The following RIC8B variants were observed in gnomAD, a reference collection of about 807,000 sequenced individuals.
RIC8B encodes the protein RIC8 guanine nucleotide exchange factor B.
In RIC8B, 16 loss-of-function variants were observed where a neutral mutation model predicts 57.5. The ratio of observed to expected loss-of-function variants is 0.28; its 90% CI spans 0.19 to 0.42. The LOEUF is 0.42. RIC8B is among the 10% of genes least tolerant of loss of function. The pLI is 1.00. For missense variants in RIC8B, 481 were observed against 677.0 expected, an observed-to-expected ratio of 0.71 and a Z score of 3.21; for synonymous variants, 216 against 250.8, an observed-to-expected ratio of 0.86 and a Z score of 1.31.
chr12:106,800,568 A>G (rs1216448729), intron 2 of RIC8B, among the ~76,000 whole-genome samples: 2 of 152,148 alleles, frequency 1.3e-5, no homozygotes, highest in African/African-American at 4.8e-5. Context: ...ATCTCCATAT[A>G]TTAATATTAT....
intron 4 of RIC8B, among the ~76,000 whole-genome samples, chr12:106,841,771 TA>T (rs1224109221): frequency 2.0e-5 from 3 of 152,148 alleles, no homozygotes; most frequent in Non-Finnish European, 4.4e-5. Flanking sequence ...GAATATGAAA[TA>T]ACTCATGGAA....
At position 106,774,763 on chromosome 12, in the gene RIC8B, C is replaced by T; in HGVS notation, c.18C>T (p.Ala6=). MDEER[A]LYIVRAGEAG... ...CTGCGGCCATGGATGAGGAGCGCGCCCTCTACATCGTCCGGGCCGGCGAAG... is the reference window on the plus strand; with the variant it reads ...CTGCGGCCATGGATGAGGAGCGCGCTCTCTACATCGTCCGGGCCGGCGAAG... The change falls in exon 1 of 10, where the codon GCC becomes GCT. Residue 6 remains alanine, a synonymous_variant. Coordinates refer to ENST00000392837, the MANE Select transcript of RIC8B (RefSeq NM_001330145.2). 1 of 1,551,464 alleles carries T rather than the reference C, an allele frequency of 6.4e-7. No individual in the cohort carries two copies. The highest frequency in any genetic ancestry group is 8.7e-7 in the Non-Finnish European group (1 of 1,146,840).
chr12:106,886,230 G>A lies in RIC8B; in HGVS notation c.*215G>A. 2.2e-6 allele frequency: 1 copy of A among 458,196 alleles called. No homozygotes were observed. Among genetic ancestry groups the A allele is most frequent in the South Asian group, 4.5e-5 (1 of 22,434 alleles). 28.4% of individuals were successfully genotyped at this position (458,196 alleles called of 1,614,324 possible). A position where few individuals can be genotyped will look rare whatever the true frequency, so the allele number is the denominator to read the frequency against. On this transcript the variant is annotated 3_prime_UTR_variant, in exon 10 of 10. Transcript: ENST00000392837. ...GAGCTGCAGTTAGACGGGGTTACGG[G>A]GGCTAAAAGCAGAAAAAAAATTCCA...
intron 4 of RIC8B, among the ~76,000 whole-genome samples, chr12:106,830,673 T>G (rs1183598332): frequency 6.6e-6 from 1 of 152,166 alleles, no homozygotes; most frequent in Non-Finnish European, 1.5e-5. Flanking sequence ...TGAACACTGG[T>G]CTTAGAGGAC....
chr12:106,790,011 T>C (rs2044198624), intron 2 of RIC8B, among the ~76,000 whole-genome samples: 1 of 152,132 alleles, frequency 6.6e-6, no homozygotes, highest in Non-Finnish European at 1.5e-5. Context: ...TCCTGACACT[T>C]ATATAGTGTT....
chr12:106,833,361 G>T (rs1297814249), intron 4 of RIC8B, among the ~76,000 whole-genome samples: 1 of 152,136 alleles, frequency 6.6e-6, no homozygotes, highest in Non-Finnish European at 1.5e-5. Context: ...CAGCACTTTG[G>T]GAGGCTGAGG....
At chr12:106,872,606 T>A (rs898670991) in intron 9 of RIC8B, among the ~76,000 whole-genome samples, 3 of 146,710 alleles carry the variant, frequency 2.0e-5, no homozygotes, top group Non-Finnish European at 4.5e-5. Flanking sequence ...AGGCGGAGGT[T>A]GCGGTGAACC....
chr12:106,880,359 TA>T (rs1486129705), intron 9 of RIC8B, among the ~76,000 whole-genome samples: 1 of 152,172 alleles, frequency 6.6e-6, no homozygotes, highest in African/African-American at 2.4e-5. Context: ...GCTTTTTAAA[TA>T]GATCAAAATT....
chr12:106,823,144 C>A, intron 3 of RIC8B: 1 of 207,356 alleles, frequency 4.8e-6, no homozygotes. Flanking sequence ...ATTAAACACA[C>A]ACCCTCTTTC....
chr12:106,868,392 T>A (rs1950229218), intron 8 of RIC8B: 1 of 454,374 alleles, frequency 2.2e-6, no homozygotes, highest in Non-Finnish European at 4.4e-6. Context: ...TATACTTTCT[T>A]CTAAGGCCTG....
In RIC8B at chr12:106,885,923, A is replaced by G. The variant is rs764958062; in HGVS notation, c.1591A>G (p.Met531Val). The G allele has an allele frequency of 8.7e-6, 14 of 1,613,358 alleles. 1 individual carries two copies. The East Asian group carries it at 2.9e-4, about 33-fold the overall frequency. ...TTCTAGAGAGGAGTTGCTTAAACCA[A>G]TGGGACTAAAACCTGATGGGACAAT... is the stretch of plus-strand genomic sequence containing the variant. Reference protein sequence around the residue: ...KLSREELLKPMGLKPDGTITP... With the variant: ...KLSREELLKPVGLKPDGTITP... Residue 531 changes from methionine to valine, a missense_variant, in exon 10 of 10, where the codon ATG becomes GTG. By Grantham distance (21) the Met-to-Val change is conservative. This residue lies in a region of RIC8B where 43 missense variants were observed against 99.8 expected (regional missense o/e 0.43). Transcript: ENST00000392837.
intron 2 of RIC8B, among the ~76,000 whole-genome samples, chr12:106,792,442 C>CT (rs757944615): frequency 3.3e-5 from 5 of 152,260 alleles, no homozygotes; most frequent in Admixed American, 6.5e-5. Flanking sequence ...CTGATTTGTA[C>CT]TTTAGAGTTT....
intron 2 of RIC8B, among the ~76,000 whole-genome samples, chr12:106,806,195 C>T (rs1021657507): frequency 1.1e-4 from 17 of 152,302 alleles, no homozygotes; most frequent in African/African-American, 4.1e-4. Flanking sequence ...GATCCGCCCA[C>T]CTCGGCCTCC....
rs1344104965 is a variant in RIC8B, at chr12:106,872,936, A to G, written c.1571+1994A>G. The G allele has an allele frequency of 4.3e-6, 3 of 695,714 alleles. No homozygotes were observed. In the African/African-American group the frequency reaches 5.8e-5, roughly 14 times the overall value. 43.1% of individuals were successfully genotyped at this position (695,714 alleles called of 1,614,324 possible). ...TAAGACTACACAGTATAATCCAGAT[A>G]CTTGGCTTACTAATAGAGGAACTAC... On this transcript the variant is annotated intron_variant, in intron 9 of 9. Coordinates refer to ENST00000392837, the MANE Select transcript of RIC8B (RefSeq NM_001330145.2).
chr12:106,846,562 C>A (rs1566127472), intron 6 of RIC8B, among the ~76,000 whole-genome samples: 1 of 152,092 alleles, frequency 6.6e-6, no homozygotes, highest in Admixed American at 6.6e-5. Context: ...TAATTAAGGT[C>A]ATTTCCACAT....
intron 2 of RIC8B, among the ~76,000 whole-genome samples, chr12:106,804,803 T>G (rs1837311215): frequency 6.6e-6 from 1 of 152,164 alleles, no homozygotes; most frequent in Admixed American, 6.5e-5. Flanking sequence ...TCAGAGGTGT[T>G]AAGTGCTATA....
In RIC8B at chr12:106,888,536, C is replaced by T. The variant is rs1446519957; in HGVS notation, c.*2521C>T. 1.3e-5 allele frequency: 2 copies of T among 152,728 alleles called. No individual in the cohort carries two copies. The highest frequency in any genetic ancestry group is 6.5e-5 in the Admixed American group (1 of 15,276). The allele number at this position is 152,728 out of a possible 1,614,324, so 9.5% of individuals were successfully genotyped here. A position where few individuals can be genotyped will look rare whatever the true frequency, so the allele number is the denominator to read the frequency against. On this transcript the variant is annotated 3_prime_UTR_variant, in exon 10 of 10. Transcript: ENST00000392837. ...CTTTTCCCCACAGCACACCTGGGCC[C>T]ACACTGTGCCTCCTTAGGGCTCTGA...
At chr12:106,812,074 T>G (rs1194751885) in intron 2 of RIC8B, among the ~76,000 whole-genome samples, 1 of 152,196 alleles carries the variant, frequency 6.6e-6, no homozygotes, top group African/African-American at 2.4e-5. Flanking sequence ...TTCTAAAAAT[T>G]GTAATTTAAA....
Position 106,824,083 on chromosome 12 carries a change from A to G in RIC8B, c.742-1643A>G, listed in dbSNP as rs956301456. ...GTCTCAGTGTCTCTGTCATTCCAGT[A>G]GTCCTCTTTGTTTTTCCCCTTTCCC... On this transcript the variant is annotated intron_variant, in intron 3 of 9. Coordinates refer to ENST00000392837, the MANE Select transcript of RIC8B (RefSeq NM_001330145.2). Among the ~76,000 whole-genome samples, 4 of 152,180 alleles carry G rather than the reference A, an allele frequency of 2.6e-5. No individual in the cohort carries two copies. In the South Asian group the frequency reaches 8.3e-4, roughly 32 times the overall value.
Sources: allele counts gnomAD v4.1 joint callset (sites outside exome capture counted in the v4.1 genomes callset), GRCh38; gene constraint gnomAD v4.1.1; regional missense constraint gnomAD v4.1.1; transcripts MANE v1.5; gene names NCBI Gene and HGNC (gene_info 2026-07-23, HGNC 2026-07-21).